PARD3B: variants seen among roughly 807,000 people sequenced by gnomAD.
PARD3B encodes the protein par-3 family cell polarity regulator beta, also known as partitioning defective 3 homolog B.
In PARD3B, 103 loss-of-function variants were observed where a neutral mutation model predicts 130.2. The observed-to-expected ratio is 0.79, with a 90% CI of 0.67 to 0.93. The LOEUF (loss-of-function observed/expected upper bound fraction) is 0.93. Ranked by LOEUF, PARD3B falls within the 40% of genes least tolerant of loss-of-function variation. The pLI, the probability that PARD3B is intolerant of heterozygous loss-of-function variation, is 0.00. For synonymous variants in PARD3B, 583 were observed against 553.2 expected (o/e 1.05, Z -0.76); for missense variants, 1,609 against 1,499.2 (o/e 1.07, Z -1.21).
At chr2:205,219,111 C>G (rs1026923274) in intron 15 of PARD3B, among the ~76,000 whole-genome samples, 15 of 151,790 alleles carry the variant, frequency 9.9e-5, no homozygotes, top group African/African-American at 3.6e-4. Context: ...TGTGAGGTCA[C>G]TCTGGACTCT....
intron 2 of PARD3B, among the ~76,000 whole-genome samples, chr2:204,944,617 A>G (rs1689163841): frequency 6.6e-6 from 1 of 152,256 alleles, no homozygotes; most frequent in Non-Finnish European, 1.5e-5. Context: ...ATAATTTTAT[A>G]TTTTAATGCA....
chr2:204,693,974 G>C lies in PARD3B; in HGVS notation c.222+7692G>C, dbSNP rs551938409. On this transcript the variant is annotated intron_variant, in intron 2 of 22. Transcript: ENST00000406610. ...TTTCCTAGCTGTTCAAATAATTACA[G>C]TCAATGAATGAACGTATGCTTTGAG... 1.2e-3 allele frequency among the ~76,000 whole-genome samples: 189 copies of C among 152,096 alleles called. 1 individual carries two copies. The highest frequency in any genetic ancestry group is 4.4e-3 in the African/African-American group (184 of 41,522).
chr2:205,039,619 C>T (rs1043697626), intron 3 of PARD3B, among the ~76,000 whole-genome samples: 2 of 152,010 alleles, frequency 1.3e-5, no homozygotes, highest in Non-Finnish European at 2.9e-5. Flanking sequence ...TACAGGTGTG[C>T]ACCACCACAC....
intron 2 of PARD3B, among the ~76,000 whole-genome samples, chr2:204,874,302 G>A (rs2045752929): frequency 6.6e-6 from 1 of 152,152 alleles, no homozygotes; most frequent in Non-Finnish European, 1.5e-5. Flanking sequence ...TGCTTATGAT[G>A]ATTAAAATAA....
At chr2:205,177,076 A>G (rs2035516300) in intron 13 of PARD3B, among the ~76,000 whole-genome samples, 1 of 152,198 alleles carries the variant, frequency 6.6e-6, no homozygotes. Context: ...TTGTCTTGCT[A>G]CACTGTTTTG....
rs1015752740 is a variant in PARD3B, at chr2:204,664,110, G to A, written c.121-22071G>A. 6.6e-6 allele frequency among the ~76,000 whole-genome samples: 1 copy of A among 152,140 alleles called. No homozygotes were observed. Among genetic ancestry groups the A allele is most frequent in the African/African-American group, 2.4e-5 (1 of 41,426 alleles). ...GAGGCTAATACTGTGGCTTGGATAT[G>A]TTCTAACCCCATGACTGTCTAATAG... On this transcript the variant is annotated intron_variant, in intron 1 of 22. Transcript: ENST00000406610. This position sits in a 1 kb window ranked among gnomAD's most constrained non-coding sequence, Gnocchi z 5.2.
intron 3 of PARD3B, among the ~76,000 whole-genome samples, chr2:205,027,838 C>T (rs1697142905): frequency 6.6e-6 from 1 of 152,100 alleles, no homozygotes; most frequent in Non-Finnish European, 1.5e-5. Context: ...CCCCATTTTG[C>T]ATTCTTGGCA....
At chr2:204,845,830 G>C (rs1335557327) in intron 2 of PARD3B, among the ~76,000 whole-genome samples, 1 of 152,048 alleles carries the variant, frequency 6.6e-6, no homozygotes. Flanking sequence ...GATATGTATA[G>C]ATATAAGTGA....
At chr2:204,958,503 A>G (rs1690466478) in intron 2 of PARD3B, among the ~76,000 whole-genome samples, 1 of 152,042 alleles carries the variant, frequency 6.6e-6, no homozygotes, top group Non-Finnish European at 1.5e-5. Context: ...AACAGAAATT[A>G]CCTATTGGTT....
At chr2:205,289,413 C>T (rs1310194168) in intron 16 of PARD3B, among the ~76,000 whole-genome samples, 2 of 152,008 alleles carry the variant, frequency 1.3e-5, no homozygotes, top group African/African-American at 2.4e-5. Flanking sequence ...TTGCTGTTGC[C>T]AGGTATCATG....
In PARD3B at chr2:205,105,888, A is replaced by G. The variant is rs998048261; in HGVS notation, c.593+1374A>G. Among the ~76,000 whole-genome samples the G allele has an allele frequency of 1.9e-4, 29 of 151,986 alleles. No homozygotes were observed. The highest frequency in any genetic ancestry group is 6.3e-4 in the African/African-American group (26 of 41,526). ...TAATTATGTCTACCTCCAGAAACTA[A>G]TAAGATTGTTTCTGGAGGTAGACAT... On this transcript the variant is annotated intron_variant, in intron 5 of 22. Transcript: ENST00000406610. This position sits in a 1 kb window ranked among gnomAD's most constrained non-coding sequence, Gnocchi z 4.0.
chr2:205,135,572 CT>C (rs60322420), intron 10 of PARD3B, among the ~76,000 whole-genome samples: 102,728 of 147,020 alleles, frequency 0.7, 35,958 homozygotes, highest in Admixed American at 0.77. Context: ...TTAAGATCAC[CT>C]TTTTTTTTTT....
chr2:205,508,117 A>G (rs2050446020), intron 21 of PARD3B, among the ~76,000 whole-genome samples: 2 of 152,238 alleles, frequency 1.3e-5, no homozygotes, highest in Admixed American at 1.3e-4. Context: ...AATTCACCCC[A>G]GGAGAAGCAG....
At position 204,952,310 on chromosome 2, in the gene PARD3B, ACCAAAGGC is replaced by A. The variant is rs11278182; in HGVS notation, c.223-12838_223-12831del. Among the ~76,000 whole-genome samples the A allele has an allele frequency of 9.7e-3, 1,476 of 152,268 alleles. 30 individuals are homozygous for A. The highest frequency in any genetic ancestry group is 0.033 in the African/African-American group (1,374 of 41,552). On this transcript the variant is annotated intron_variant, in intron 2 of 22. Transcript: ENST00000406610. The stretch of plus-strand genomic sequence containing the variant: ...TAGAATATGAATGTGTGATTTAAAA[ACCAAAGGC>A]CCATCAATCAAAACACTTCCCACCT...
At chr2:204,645,322 A>G (rs2035234678) in intron 1 of PARD3B, among the ~76,000 whole-genome samples, 1 of 152,198 alleles carries the variant, frequency 6.6e-6, no homozygotes, top group South Asian at 2.1e-4. Context: ...AAGTGTGTCC[A>G]TTGACAGTTC....
At chr2:204,969,424 A>G (rs1485084799) in intron 3 of PARD3B, among the ~76,000 whole-genome samples, 2 of 152,194 alleles carry the variant, frequency 1.3e-5, no homozygotes, top group East Asian at 3.9e-4. Context: ...CAGAATCCCA[A>G]TGCTTATCTA....
At chr2:205,378,597 G>A (rs985827321) in intron 18 of PARD3B, among the ~76,000 whole-genome samples, 4 of 151,854 alleles carry the variant, frequency 2.6e-5, no homozygotes, top group Non-Finnish European at 4.4e-5. Context: ...ATGCTCCCAG[G>A]GCTGGAAGTT....
chr2:205,091,167 G>A lies in PARD3B; in HGVS notation c.505-13259G>A, dbSNP rs1448201465. On this transcript the variant is annotated intron_variant, in intron 4 of 22. Coordinates refer to ENST00000406610, the MANE Select transcript of PARD3B (RefSeq NM_001302769.2). The surrounding 1 kb of genome is among the most constrained non-coding windows in gnomAD (Gnocchi z 4.2). The stretch of plus-strand genomic sequence containing the variant: ...AGAGATTTAAGCATTAGAGGCTGAA[G>A]TTTTTCAACCCCAAAGTAGCCAACA... Among the ~76,000 whole-genome samples the A allele has an allele frequency of 1.3e-5, 2 of 152,170 alleles. No individual in the cohort carries two copies. The highest frequency in any genetic ancestry group is 2.9e-5 in the Non-Finnish European group (2 of 68,034).
chr2:204,788,894 AATGTG>A (rs2042102174), intron 2 of PARD3B, among the ~76,000 whole-genome samples: 1 of 152,206 alleles, frequency 6.6e-6, no homozygotes, highest in Non-Finnish European at 1.5e-5. Context: ...TATATTGTAT[AATGTG>A]ATGTAGAGCA....
Sources: allele counts gnomAD v4.1 joint callset (sites outside exome capture counted in the v4.1 genomes callset), GRCh38; gene constraint gnomAD v4.1.1; non-coding constraint Gnocchi (gnomAD v3.1); transcripts MANE v1.5; gene names NCBI Gene and HGNC (gene_info 2026-07-23, HGNC 2026-07-21).